CPZ: variants seen among roughly 807,000 people sequenced by gnomAD.
CPZ encodes the protein VEZT/CPZ fusion.
In CPZ, 103 loss-of-function variants were observed where a neutral mutation model predicts 61.8. The observed-to-expected ratio is 1.67, with a 90% CI of 1.42 to 1.96. The LOEUF (loss-of-function observed/expected upper bound fraction) is 1.96, where lower values mean the gene tolerates loss of function less well. Among genes scored for constraint, CPZ ranks in the 30% most tolerant of loss-of-function variants. CPZ has a pLI of 0.00. For synonymous variants in CPZ, 551 were observed against 373.7 expected (o/e 1.47, Z -5.47); for missense variants, 1,461 against 914.9 (o/e 1.60, Z -7.70).
At chr4:8,613,382 G>C (rs577498879) in intron 8 of CPZ, among the ~76,000 whole-genome samples, 1 of 152,152 alleles carries the variant, frequency 6.6e-6, no homozygotes, top group Non-Finnish European at 1.5e-5. Context: ...CGCCTGCCTC[G>C]GACTCCCAGA....
At chr4:8,595,184 T>C (rs1714083115) in intron 1 of CPZ, among the ~76,000 whole-genome samples, 1 of 152,252 alleles carries the variant, frequency 6.6e-6, no homozygotes, top group African/African-American at 2.4e-5. Flanking sequence ...AAATTTGGTA[T>C]GCATTTCACA....
At position 8,609,034 on chromosome 4, in the gene CPZ, CA is replaced by C. The variant is rs1715298994; in HGVS notation, c.1227+1610del. On this transcript the variant is annotated intron_variant, in intron 7 of 10. Transcript: ENST00000360986. ...TCATTCATTAACTCACTCCTTCACT[CA>C]CCCATTCACTCCCTCCCTCCCTCAC... Among the ~76,000 whole-genome samples, 5 of 149,504 alleles carry C rather than the reference CA, an allele frequency of 3.3e-5. No homozygotes were observed. In the South Asian group the frequency reaches 6.6e-4, roughly 20 times the overall value.
At position 8,606,731 on chromosome 4, in the gene CPZ, T is replaced by C; in HGVS notation, c.907-6T>C. The C allele has an allele frequency of 2.5e-6, 4 of 1,614,100 alleles. No homozygotes were observed. The highest frequency in any genetic ancestry group is 2.5e-6 in the Non-Finnish European group (3 of 1,180,008). ...CCACCCAGTCGGGGGTTGGCCATGT[T>C]TTCAGGGTGCCGGCTACAACGGGTG... On this transcript the variant is annotated splice_polypyrimidine_tract_variant and splice_region_variant and intron_variant, in intron 5 of 10. Coordinates refer to ENST00000360986, the MANE Select transcript of CPZ (RefSeq NM_001014447.3).
chr4:8,614,517 A>G lies in CPZ; in HGVS notation c.1503+19A>G. On this transcript the variant is annotated intron_variant, in intron 9 of 10. Coordinates refer to ENST00000360986, the MANE Select transcript of CPZ (RefSeq NM_001014447.3). Reference sequence around the variant, plus strand: ...GGAGACGGTGAGTTCTGACGGTCTCAGGGCTCTGGTCCAGCTGTGGCCTGG... The same window carrying G: ...GGAGACGGTGAGTTCTGACGGTCTCGGGGCTCTGGTCCAGCTGTGGCCTGG... 6.2e-7 allele frequency: 1 copy of G among 1,610,772 alleles called. No individual in the cohort carries two copies. The highest frequency in any genetic ancestry group is 8.5e-7 in the Non-Finnish European group (1 of 1,178,248).
chr4:8,609,410 C>T (rs79241218), intron 7 of CPZ, among the ~76,000 whole-genome samples: 9,995 of 147,890 alleles, frequency 0.068, 400 homozygotes, highest in South Asian at 0.13. Flanking sequence ...GGTTTATTCC[C>T]GCACTCCTTC....
intron 1 of CPZ, among the ~76,000 whole-genome samples, chr4:8,593,549 C>T (rs981393345): frequency 3.9e-5 from 6 of 152,194 alleles, no homozygotes; most frequent in African/African-American, 1.4e-4. Context: ...GGGGCTGGAT[C>T]CTGGGCTCCC....
At position 8,618,548 on chromosome 4, in the gene CPZ, TC is replaced by T; in HGVS notation, c.1603+24del. 1.2e-6 allele frequency: 2 copies of T among 1,607,490 alleles called. No homozygotes were observed. On this transcript the variant is annotated intron_variant, in intron 10 of 10. Coordinates refer to ENST00000360986, the MANE Select transcript of CPZ (RefSeq NM_001014447.3). ...CCACAGGTGAGCACGTCCCTGGCTG[TC>T]CCCTGGGGACCACGTCTGCCAAGGA...
At chr4:8,604,548 C>T (rs1414347236) in intron 4 of CPZ, among the ~76,000 whole-genome samples, 2 of 152,216 alleles carry the variant, frequency 1.3e-5, no homozygotes, top group Non-Finnish European at 2.9e-5. Flanking sequence ...GTGGCACGAT[C>T]TCGGCTCACT....
intron 6 of CPZ, 91 bp from the exon 7 acceptor site, chr4:8,607,176 T>C (rs948364712): frequency 2.0e-5 from 29 of 1,441,932 alleles, no homozygotes; most frequent in South Asian, 4.0e-5. Flanking sequence ...GTCTGCACCA[T>C]TGGAGCCCAG....
At chr4:8,599,696 C>A in intron 2 of CPZ, 1 of 1,349,638 alleles carries the variant, frequency 7.4e-7, no homozygotes, top group Non-Finnish European at 9.8e-7. Flanking sequence ...ACCAGCTTCC[C>A]ACCGGGCTAT....
At chr4:8,616,316 C>G (rs1238169132) in intron 9 of CPZ, among the ~76,000 whole-genome samples, 3 of 152,138 alleles carry the variant, frequency 2.0e-5, no homozygotes, top group African/African-American at 7.2e-5. Flanking sequence ...TCTTTCCCCA[C>G]CAGAGAACCG....
At chr4:8,596,838 C>T (rs982710173) in intron 1 of CPZ, among the ~76,000 whole-genome samples, 2 of 152,212 alleles carry the variant, frequency 1.3e-5, no homozygotes, top group Admixed American at 6.5e-5. Context: ...TTTGGAGGAG[C>T]AGGTGCAGGG....
chr4:8,606,748 C>T lies in CPZ; in HGVS notation c.918C>T (p.Tyr306=). 6.2e-7 allele frequency: 1 copy of T among 1,614,130 alleles called. No homozygotes were observed. Among genetic ancestry groups the T allele is most frequent in the Non-Finnish European group, 8.5e-7 (1 of 1,180,014 alleles). Residue 306 remains tyrosine, a synonymous_variant, in exon 6 of 11, where the codon TAC becomes TAT. Coordinates refer to ENST00000360986, the MANE Select transcript of CPZ (RefSeq NM_001014447.3). ...YEVAAAEGAG[Y]NGWTSGRQNA... is the part of the protein sequence containing the mutation. Reference sequence around the variant, plus strand: ...GGCCATGTTTTCAGGGTGCCGGCTACAACGGGTGGACGAGCGGGAGGCAGA... The same window carrying T: ...GGCCATGTTTTCAGGGTGCCGGCTATAACGGGTGGACGAGCGGGAGGCAGA...
intron 7 of CPZ, among the ~76,000 whole-genome samples, chr4:8,607,853 G>C (rs954276487): frequency 5.3e-5 from 8 of 152,164 alleles, no homozygotes; most frequent in Non-Finnish European, 8.8e-5. Context: ...CCCGGGGGTC[G>C]TGCTTGCTTC....
chr4:8,595,833 C>G (rs1232143825), intron 1 of CPZ, among the ~76,000 whole-genome samples: 3 of 152,162 alleles, frequency 2.0e-5, no homozygotes, highest in African/African-American at 7.2e-5. Flanking sequence ...ACTGGTATCC[C>G]TAGAAGAAGA....
intron 7 of CPZ, 77 bp from the exon 8 acceptor site, chr4:8,611,947 GCTC>G (rs1715735168): frequency 6.2e-7 from 1 of 1,602,630 alleles, no homozygotes; most frequent in Non-Finnish European, 8.5e-7. Context: ...TGCACGCGCA[GCTC>G]CTCCCCTCAT....
intron 7 of CPZ, among the ~76,000 whole-genome samples, chr4:8,611,641 G>A (rs1045764550): frequency 1.3e-5 from 2 of 152,138 alleles, no homozygotes; most frequent in Non-Finnish European, 2.9e-5. Context: ...GCCCACCCTT[G>A]CCTTCACTGC....
intron 7 of CPZ, among the ~76,000 whole-genome samples, chr4:8,610,102 C>T (rs1715525756): frequency 6.6e-6 from 1 of 152,226 alleles, no homozygotes; most frequent in South Asian, 2.1e-4. Context: ...ATGAGCATAG[C>T]CAGTTTCCCA....
intron 7 of CPZ, chr4:8,611,087 T>TTCACTCACTCAC (rs61069089): frequency 7.7e-6 from 3 of 391,656 alleles, no homozygotes; most frequent in Admixed American, 2.7e-5. Flanking sequence ...CATTCGCTCA[T>TTCACTCACTCAC]TCACTCACTC....
Sources: allele counts gnomAD v4.1 joint callset (sites outside exome capture counted in the v4.1 genomes callset), GRCh38; gene constraint gnomAD v4.1.1; transcripts MANE v1.5; gene names NCBI Gene and HGNC (gene_info 2026-07-23, HGNC 2026-07-21).